ALPK2: variants seen among roughly 807,000 people sequenced by gnomAD.
ALPK2 encodes alpha kinase 2, also known as alpha-protein kinase 2.
ALPK2 carries 127 observed loss-of-function variants against 163.1 expected under a neutral mutation model. The observed-to-expected ratio is 0.78, with a 90% CI of 0.67 to 0.90. The LOEUF (loss-of-function observed/expected upper bound fraction) is 0.90. Among genes scored for constraint, ALPK2 ranks in the 40% least tolerant of loss-of-function variants. ALPK2 has a pLI of 0.00. For synonymous variants in ALPK2, 953 were observed against 959.1 expected (o/e 0.99, Z 0.12); for missense variants, 2,360 against 2,589.6 (o/e 0.91, Z 1.92).
At chr18:58,548,258 A>G (rs2051729631) in intron 4 of ALPK2, among the ~76,000 whole-genome samples, 2 of 151,918 alleles carry the variant, frequency 1.3e-5, no homozygotes, top group Admixed American at 6.6e-5. Context: ...GATTCTTTAT[A>G]TCCTATATCT....
intron 1 of ALPK2, among the ~76,000 whole-genome samples, chr18:58,623,646 A>C (rs961073163): frequency 1.3e-5 from 2 of 152,168 alleles, no homozygotes; most frequent in African/African-American, 4.8e-5. Flanking sequence ...TTGTATTTTT[A>C]GTAGAGACAG....
At chr18:58,538,260 C>A in intron 4 of ALPK2, 36 bp from the exon 5 acceptor site, 2 of 1,567,040 alleles carry the variant, frequency 1.3e-6, no homozygotes, top group South Asian at 2.3e-5. Flanking sequence ...TAGAATTGTT[C>A]ATGGGAGAGC....
At chr18:58,581,510 G>A (rs1411659153) in intron 3 of ALPK2, among the ~76,000 whole-genome samples, 1 of 151,724 alleles carries the variant, frequency 6.6e-6, no homozygotes, top group Non-Finnish European at 1.5e-5. Context: ...TGGATGGAAC[G>A]AAGCCTGCTC....
At chr18:58,585,680 C>CTTTTT (rs71173066) in intron 3 of ALPK2, among the ~76,000 whole-genome samples, 3 of 77,634 alleles carry the variant, frequency 3.9e-5, no homozygotes, top group Admixed American at 1.6e-4. Context: ...TTCTATGTTG[C>CTTTTT]TTTTTTTTTT....
intron 8 of ALPK2, among the ~76,000 whole-genome samples, chr18:58,519,190 A>C (rs1312689440): frequency 3.3e-5 from 5 of 152,220 alleles, no homozygotes; most frequent in Non-Finnish European, 7.3e-5. Context: ...CGGAACCAGG[A>C]AAAAAATTAA....
rs771879449 is a variant in ALPK2, at chr18:58,537,478, A to C, written c.2709T>G (p.Ser903Arg). Reference sequence around the variant, plus strand: ...CTAGATTTTCTCCTGTGGCACCTTCACTAGCTGTGTGTGAAATGTTCAAGG... The same window carrying C: ...CTAGATTTTCTCCTGTGGCACCTTCCCTAGCTGTGTGTGAAATGTTCAAGG... Reference protein sequence around the residue: ...TFTLNISHTASEGATGENLAK... With the variant: ...TFTLNISHTAREGATGENLAK... Residue 903 changes from serine to arginine, a missense_variant, in exon 5 of 13, where the codon AGT (serine) becomes AGG (arginine). Coordinates refer to ENST00000361673, the MANE Select transcript of ALPK2 (RefSeq NM_052947.4). 5.0e-6 allele frequency: 8 copies of C among 1,611,994 alleles called. No individual in the cohort carries two copies. Among genetic ancestry groups the C allele is most frequent in the Non-Finnish European group, 6.8e-6 (8 of 1,178,496 alleles).
In ALPK2 at chr18:58,516,923, G is replaced by A; in HGVS notation, c.5925C>T (p.Tyr1975=). 2.5e-6 allele frequency: 4 copies of A among 1,613,500 alleles called. No individual in the cohort carries two copies. Among genetic ancestry groups the A allele is most frequent in the South Asian group, 1.1e-5 (1 of 91,078 alleles). The change falls in exon 9 of 13, where the codon TAC becomes TAT. Residue 1975 remains tyrosine, a synonymous_variant. Coordinates refer to ENST00000361673, the MANE Select transcript of ALPK2 (RefSeq NM_052947.4). ...ATGGACCCACCTGGGCAGCGAGTTT[G>A]TAGTTCCTTTGGATGAGCTCATCAT... ...RNNDELIQRN[Y]KLAAQECYVQ...
intron 10 of ALPK2, among the ~76,000 whole-genome samples, chr18:58,512,733 GTGTGTTA>G (rs1805932896): frequency 7.8e-6 from 1 of 128,204 alleles, no homozygotes; most frequent in Non-Finnish European, 1.8e-5. Context: ...TCTGTGGTGT[GTGTGTTA>G]TGTGGTGTGT....
At chr18:58,533,826 G>T (rs2144143397) in intron 5 of ALPK2, among the ~76,000 whole-genome samples, 1 of 152,282 alleles carries the variant, frequency 6.6e-6, no homozygotes, top group African/African-American at 2.4e-5. Context: ...TCTTCAGAAG[G>T]CAGTTTTGTC....
chr18:58,483,695 C>T (rs1053874046), intron 12 of ALPK2, among the ~76,000 whole-genome samples: 4 of 151,348 alleles, frequency 2.6e-5, no homozygotes, highest in African/African-American at 7.3e-5. Context: ...GGATTACAGG[C>T]ATCCACCACC....
intron 8 of ALPK2, among the ~76,000 whole-genome samples, chr18:58,520,695 G>T (rs2051545755): frequency 6.6e-6 from 1 of 152,100 alleles, no homozygotes; most frequent in Admixed American, 6.5e-5. Flanking sequence ...GCTTCATTTG[G>T]TCCATCATTC....
chr18:58,503,964 T>C lies in ALPK2; in HGVS notation c.6214A>G (p.Thr2072Ala). 1.2e-6 allele frequency: 2 copies of C among 1,614,016 alleles called. No individual in the cohort carries two copies. The highest frequency in any genetic ancestry group is 4.5e-5 in the East Asian group (2 of 44,880). The change falls in exon 11 of 13, where the codon ACA becomes GCA. Residue 2072 changes from threonine to alanine, a missense_variant. Thr to Ala is a moderately conservative substitution (Grantham distance 58). Coordinates refer to ENST00000361673, the MANE Select transcript of ALPK2 (RefSeq NM_052947.4). Reference protein sequence around the residue: ...CTFQHWVYQKTSGCLLVTDMQ... With the variant: ...CTFQHWVYQKASGCLLVTDMQ... ...TCCGTCACCAGGAGGCAGCCACTTG[T>C]TTTCTGGTACACCCAGTGCTGGAAG...
chr18:58,588,484 C>T (rs2051998314), intron 3 of ALPK2, among the ~76,000 whole-genome samples: 1 of 152,078 alleles, frequency 6.6e-6, no homozygotes, highest in Non-Finnish European at 1.5e-5. Flanking sequence ...TAACGTGTGC[C>T]ATGGTGGTTT....
intron 3 of ALPK2, among the ~76,000 whole-genome samples, chr18:58,588,289 C>A (rs1276402249): frequency 1.3e-5 from 2 of 152,202 alleles, no homozygotes; most frequent in Non-Finnish European, 2.9e-5. Flanking sequence ...TCTATGGCAA[C>A]TAATACGGTT....
chr18:58,583,659 T>A (rs566611471), intron 3 of ALPK2, among the ~76,000 whole-genome samples: 16 of 146,222 alleles, frequency 1.1e-4, no homozygotes, highest in Non-Finnish European at 2.1e-4. Flanking sequence ...GTAAAAAATT[T>A]AAAAATTAGC....
intron 10 of ALPK2, among the ~76,000 whole-genome samples, chr18:58,510,819 T>C (rs2051486351): frequency 1.3e-5 from 2 of 152,250 alleles, no homozygotes; most frequent in Non-Finnish European, 2.9e-5. Flanking sequence ...TATACAATCA[T>C]GTCATCTGCA....
chr18:58,565,802 T>C (rs566853107), intron 4 of ALPK2, among the ~76,000 whole-genome samples: 1 of 151,984 alleles, frequency 6.6e-6, no homozygotes, highest in Non-Finnish European at 1.5e-5. Context: ...TTTCTTCCTT[T>C]CTTTCTCTTT....
chr18:58,623,404 A>G (rs1313227536), intron 1 of ALPK2, among the ~76,000 whole-genome samples: 1 of 152,064 alleles, frequency 6.6e-6, no homozygotes, highest in African/African-American at 2.4e-5. Context: ...CTTAGAGATA[A>G]GGAACATCAC....
At chr18:58,575,655 G>A (rs542851087) in intron 4 of ALPK2, among the ~76,000 whole-genome samples, 2 of 152,212 alleles carry the variant, frequency 1.3e-5, no homozygotes, top group Non-Finnish European at 2.9e-5. Context: ...GATGAGGAAA[G>A]TGAGCTCAAA....
Sources: allele counts gnomAD v4.1 joint callset (sites outside exome capture counted in the v4.1 genomes callset), GRCh38; gene constraint gnomAD v4.1.1; transcripts MANE v1.5; gene names NCBI Gene and HGNC (gene_info 2026-07-23, HGNC 2026-07-21).